PYCR3: variants seen among roughly 807,000 people sequenced by gnomAD.
PYCR3 encodes the protein P5C reductase 3.
Under a neutral mutation model 23.4 loss-of-function variants are expected in PYCR3, and 26 were observed. The observed-to-expected ratio is 1.11, with a 90% CI of 0.81 to 1.54. PYCR3 has a LOEUF of 1.54. Ranked by LOEUF, PYCR3 falls within the 40% of genes most tolerant of loss-of-function variation. The probability of loss-of-function intolerance (pLI) is 0.00; values close to 1 mark genes in which losing one functional copy is unlikely to be tolerated. For synonymous variants in PYCR3, 194 were observed against 162.6 expected (o/e 1.19, Z -1.47); for missense variants, 360 against 376.3 (o/e 0.96, Z 0.36).
rs781467574 is a variant in PYCR3 at position 143,605,666 on chromosome 8, G to T, written c.*34C>A. On this transcript the variant is annotated 3_prime_UTR_variant, in exon 6 of 6. Coordinates refer to ENST00000495276, the MANE Select transcript of PYCR3 (RefSeq NM_023078.6). The stretch of plus-strand genomic sequence containing the variant: ...GGAAGGGACACAGGGAGAGGCAGGG[G>T]CACAGAGGCAGGAAAGGATGGCCAG... 62 of 1,562,872 alleles carry T rather than the reference G, an allele frequency of 4.0e-5. No individual in the cohort carries two copies. The highest frequency in any genetic ancestry group is 5.1e-5 in the Non-Finnish European group (59 of 1,146,966).
Position 143,606,509 on chromosome 8 carries a change from G to A in PYCR3, c.507C>T (p.Tyr169=), listed in dbSNP as rs550566646. Residue 169 remains tyrosine (Y), a synonymous_variant, in exon 4 of 6, where the codon TAC becomes TAT. Coordinates refer to ENST00000495276, the MANE Select transcript of PYCR3 (RefSeq NM_023078.6). ...CACTGAGGCCAGTGTGGATGTCGAC[G>A]TAGGCTTCAGGCACCTCCTCACACC... ...CGRCEEVPEA[Y]VDIHTGLSGS... The A allele has an allele frequency of 1.9e-4, 301 of 1,612,952 alleles. No homozygotes were observed. The South Asian group carries it at 3.0e-3, about 16-fold the overall frequency.
chr8:143,606,661 G>C lies in PYCR3; in HGVS notation c.355C>G (p.Arg119Gly). 1.3e-6 allele frequency: 2 copies of C among 1,597,716 alleles called. No individual in the cohort carries two copies. The highest frequency in any genetic ancestry group is 1.7e-6 in the Non-Finnish European group (2 of 1,173,396). The change falls in exon 4 of 6, where the codon CGG becomes GGG. Residue 119 changes from arginine (R) to glycine (G), a missense_variant. Transcript: ENST00000495276. ...TLEELLPPNT[R>G]VLRVLPNLPC... ...AGGTTGGGCAAGACCCGCAGCACCC[G>C]TGTGTTTGGGGGCAGCAGCTGGCCA...
chr8:143,608,951 G>A (rs1386121267), intron 1 of PYCR3: 10 of 456,742 alleles, frequency 2.2e-5, no homozygotes, highest in Admixed American at 1.2e-4. Context: ...ATGCCTGGAG[G>A]AGTATATGGT....
intron 1 of PYCR3, chr8:143,608,859 C>T (rs1829469995): frequency 2.2e-6 from 1 of 456,714 alleles, no homozygotes; most frequent in South Asian, 1.5e-5. Flanking sequence ...CTTGACTCTT[C>T]TGGACCCTGA....
rs374690764 is a variant in PYCR3 at position 143,607,180 on chromosome 8, G to A, written c.157-48C>T. 85 of 1,466,422 alleles carry A rather than the reference G, an allele frequency of 5.8e-5. No homozygotes were observed. The Admixed American group carries it at 1.5e-3, about 27-fold the overall frequency. The allele number at this position is 1,466,422 out of a possible 1,614,324, so 90.8% of individuals were successfully genotyped here. The stretch of plus-strand genomic sequence containing the variant: ...AAGCCTCAGGGGCCATGTAAGCGGC[G>A]CACCCTCTCCATCACAGCCCTTCCT... On this transcript the variant is annotated intron_variant, in intron 2 of 5. Transcript: ENST00000495276.
In PYCR3 at chr8:143,606,468, A is replaced by G. The variant is rs748525763; in HGVS notation, c.548T>C (p.Phe183Ser). The change falls in exon 4 of 6, where the codon TTC (phenylalanine) becomes TCC (serine). Residue 183 changes from phenylalanine (F) to serine (S), a missense_variant and splice_region_variant. By Grantham distance (155) the Phe-to-Ser change is radical. Transcript: ENST00000495276. ...GGGGATGGACGAGGCAATACTCACG[A>G]AGGCCACGCCACTGCCACTGAGGCC... ...HTGLSGSGVAFVCAFSEALAE... is the reference protein window; with the variant it reads ...HTGLSGSGVASVCAFSEALAE... The G allele has an allele frequency of 4.3e-6, 7 of 1,612,488 alleles. No homozygotes were observed. The highest frequency in any genetic ancestry group is 5.9e-6 in the Non-Finnish European group (7 of 1,179,910).
intron 5 of PYCR3, 26 bp from the exon 6 acceptor site, chr8:143,605,908 A>C: frequency 6.3e-7 from 1 of 1,590,514 alleles, no homozygotes; most frequent in Non-Finnish European, 8.6e-7. Context: ...GGGCCTGGTG[A>C]CGGGGGGAGG....
At position 143,606,962 on chromosome 8, in the gene PYCR3, G is replaced by C; in HGVS notation, c.327C>G (p.Thr109=). The C allele has an allele frequency of 4.4e-6, 7 of 1,602,184 alleles. No individual in the cohort carries two copies. The highest frequency in any genetic ancestry group is 6.0e-6 in the Non-Finnish European group (7 of 1,171,740). Residue 109 remains threonine, a synonymous_variant, in exon 3 of 6, where the codon ACC becomes ACG. Transcript: ENST00000495276. ...VSVAAGVSLS[T]LEELLPPNTR... ...CCCAAGGGACACTCACCTCCTCCAG[G>C]GTGCTCAGAGACACCCCAGCAGCCA...
At position 143,609,484 on chromosome 8, in the gene PYCR3, GCCC is replaced by G; in HGVS notation, c.62_64del (p.Gly21del). The G allele has an allele frequency of 6.6e-7, 1 of 1,511,668 alleles. No homozygotes were observed. The highest frequency in any genetic ancestry group is 8.8e-7 in the Non-Finnish European group (1 of 1,137,734). 93.6% of individuals were successfully genotyped at this position (1,511,668 alleles called of 1,614,324 possible). On this transcript the variant is annotated inframe_deletion, in exon 1 of 6. Transcript: ENST00000495276. ...TGCTCTGATGAGGCCCTGCGCGATG[GCCC>G]CCGCCATGCGGCCCGCGCCCACGAA...
chr8:143,606,140 G>T lies in PYCR3; in HGVS notation c.564C>A (p.Ser188=). 6.2e-7 allele frequency: 1 copy of T among 1,609,340 alleles called. No homozygotes were observed. ...GSGVAFVCAF[S]EALAEGAVKM... ...TGACGGCTCCTTCAGCCAGGGCCTC[G>T]GAGAATGCACACACCTGTAGCCGCG... The change falls in exon 5 of 6, where the codon TCC becomes TCA. Residue 188 remains serine, a synonymous_variant. Coordinates refer to ENST00000495276, the MANE Select transcript of PYCR3 (RefSeq NM_023078.6).
intron 1 of PYCR3, 63 bp from the exon 2 acceptor site, chr8:143,608,189 A>G (rs1563680787): frequency 3.7e-6 from 5 of 1,366,072 alleles, no homozygotes; most frequent in Non-Finnish European, 5.2e-6. Flanking sequence ...CACGGAGAGG[A>G]GAGGGAGCTC....
intron 1 of PYCR3, chr8:143,608,946 T>C: frequency 2.2e-6 from 1 of 456,892 alleles, no homozygotes; most frequent in Admixed American, 2.3e-5. Flanking sequence ...TCTAAATGCC[T>C]GGAGGAGTAT....
Position 143,606,510 on chromosome 8 carries a change from T to C in PYCR3, c.506A>G (p.Tyr169Cys), listed in dbSNP as rs373965082. 1.7e-5 allele frequency: 28 copies of C among 1,612,808 alleles called. No individual in the cohort carries two copies. The highest frequency in any genetic ancestry group is 2.3e-5 in the Non-Finnish European group (27 of 1,179,966). Residue 169 changes from tyrosine (Y) to cysteine (C), a missense_variant, in exon 4 of 6, where the codon TAC becomes TGC. By Grantham distance (194) the Tyr-to-Cys change is radical (BLOSUM62 -2). Transcript: ENST00000495276. ...ACTGAGGCCAGTGTGGATGTCGACG[T>C]AGGCTTCAGGCACCTCCTCACACCG... ...CGRCEEVPEA[Y>C]VDIHTGLSGS...
chr8:143,606,566 C>T lies in PYCR3; in HGVS notation c.450G>A (p.Lys150=), dbSNP rs2242090. Residue 150 remains lysine, a synonymous_variant, in exon 4 of 6, where the codon AAG becomes AAA. Transcript: ENST00000495276. Reference sequence around the variant, plus strand: ...AGGCCTCCAGCAGATGCTGCAGGAGCTTGGTCTCGCTGCTCCCCACGTGGC... The same window carrying T: ...AGGCCTCCAGCAGATGCTGCAGGAGTTTGGTCTCGCTGCTCCCCACGTGGC... ...RGRHVGSSET[K]LLQHLLEACG... The T allele has an allele frequency of 1.2e-6, 2 of 1,612,522 alleles. No homozygotes were observed. The highest frequency in any genetic ancestry group is 1.3e-5 in the African/African-American group (1 of 75,010).
Position 143,609,512 on chromosome 8 carries a change from AG to A in PYCR3, c.36del (p.Phe13SerfsTer95). 1 of 1,517,462 alleles carries A rather than the reference AG, an allele frequency of 6.6e-7. No individual in the cohort carries two copies. The highest frequency in any genetic ancestry group is 8.8e-7 in the Non-Finnish European group (1 of 1,140,456). The allele number at this position is 1,517,462 out of a possible 1,614,324, so 94.0% of individuals were successfully genotyped here. On this transcript the variant is annotated frameshift_variant, in exon 1 of 6. Coordinates refer to ENST00000495276, the MANE Select transcript of PYCR3 (RefSeq NM_023078.6). LOFTEE classifies it high-confidence loss of function. ...CCCGCCATGCGGCCCGCGCCCACGA[AG>A]CCCACGCGCCGCGGAGACGGCTCCG... ...AAAEPSPRRV[G>X]FVGAGRMAGA...
intron 2 of PYCR3, among the ~76,000 whole-genome samples, chr8:143,607,509 C>A (rs913206258): frequency 6.6e-5 from 10 of 152,070 alleles, no homozygotes; most frequent in African/African-American, 2.4e-4. Flanking sequence ...CTCATGAGCA[C>A]AAACACATGC....
In PYCR3 at chr8:143,605,524, C is replaced by T. The variant is rs566465805; in HGVS notation, c.*176G>A. On this transcript the variant is annotated 3_prime_UTR_variant, in exon 6 of 6. Coordinates refer to ENST00000495276, the MANE Select transcript of PYCR3 (RefSeq NM_023078.6). ...GGGAGGGAGGAGTGTCCCCACTGGT[C>T]GGGGCTCCCCCGCCTGCTGGAACCT... The T allele has an allele frequency of 1.7e-3, 1,070 of 625,220 alleles. No individual in the cohort carries two copies. Among genetic ancestry groups the T allele is most frequent in the Admixed American group, 3.6e-3 (120 of 33,584 alleles). The allele number at this position is 625,220 out of a possible 1,614,324, so 38.7% of individuals were successfully genotyped here.
In PYCR3 at chr8:143,606,128, AGCCAGG is replaced by A. The variant is rs760848539; in HGVS notation, c.570_575del (p.Leu191_Ala192del). On this transcript the variant is annotated inframe_deletion, in exon 5 of 6. Transcript: ENST00000495276. ...GCATGCCCATCTTGACGGCTCCTTCAGCCAGGGCCTCGGAGAATGCACACACCTGTA... is the reference window on the plus strand; with the variant it reads ...GCATGCCCATCTTGACGGCTCCTTCAGCCTCGGAGAATGCACACACCTGTA... The A allele has an allele frequency of 6.2e-7, 1 of 1,610,344 alleles. No individual in the cohort carries two copies. The highest frequency in any genetic ancestry group is 1.3e-5 in the African/African-American group (1 of 75,026).
At chr8:143,607,213 G>T in intron 2 of PYCR3, 81 bp from the exon 3 acceptor site, 1 of 1,330,902 alleles carries the variant, frequency 7.5e-7, no homozygotes, top group Non-Finnish European at 1.0e-6. Context: ...CCTGCTGGAT[G>T]CCACACGTTC....
Sources: gnomAD v4.1 joint callset for allele counts (sites outside exome capture counted in the v4.1 genomes callset) on GRCh38, gnomAD v4.1.1 for gene constraint, MANE v1.5 for transcripts, NCBI Gene and HGNC (gene_info 2026-07-23, HGNC 2026-07-21) for gene names.